KCNN2: variants seen among roughly 807,000 people sequenced by gnomAD.
KCNN2 encodes potassium calcium-activated channel subfamily N member 2, also known as small conductance calcium-activated potassium channel protein 2.
KCNN2 carries 24 observed loss-of-function variants against 55.5 expected under a neutral mutation model. The ratio of observed to expected loss-of-function variants is 0.43; its 90% CI spans 0.31 to 0.61. The LOEUF (loss-of-function observed/expected upper bound fraction) is 0.61, where lower values mean the gene tolerates loss of function less well. Among genes scored for constraint, KCNN2 ranks in the 20% least tolerant of loss-of-function variants. The pLI is 0.08. For missense variants in KCNN2, 754 were observed against 853.6 expected, an observed-to-expected ratio of 0.88 and a Z score of 1.45; for synonymous variants, 431 against 336.1, an observed-to-expected ratio of 1.28 and a Z score of -3.09.
At chr5:114,250,020 C>A (rs1406660842) in intron 2 of KCNN2, among the ~76,000 whole-genome samples, 3 of 152,010 alleles carry the variant, frequency 2.0e-5, no homozygotes, top group Admixed American at 2.0e-4. Context: ...TGTCTGGTTC[C>A]TTATGGTTTC....
intron 1 of KCNN2, among the ~76,000 whole-genome samples, chr5:114,172,704 C>T (rs2112544525): frequency 6.6e-6 from 1 of 150,854 alleles, no homozygotes; most frequent in Non-Finnish European, 1.5e-5. Context: ...ATGCTGAGCA[C>T]CTTTTCATAT....
chr5:114,101,830 T>C (rs937084607), intron 1 of KCNN2, among the ~76,000 whole-genome samples: 2 of 152,190 alleles, frequency 1.3e-5, no homozygotes, highest in Admixed American at 1.3e-4. Flanking sequence ...AACCAGTCTA[T>C]CATTGATGGG....
At chr5:114,221,571 T>G (rs1251209821) in intron 2 of KCNN2, among the ~76,000 whole-genome samples, 1 of 152,120 alleles carries the variant, frequency 6.6e-6, no homozygotes, top group Admixed American at 6.5e-5. Flanking sequence ...TAACAGTGAG[T>G]AAAAATAGTA....
intron 2 of KCNN2, among the ~76,000 whole-genome samples, chr5:114,395,667 G>C (rs1324012544): frequency 6.6e-6 from 1 of 152,116 alleles, no homozygotes; most frequent in Non-Finnish European, 1.5e-5. Context: ...CTGTGATGTT[G>C]AGAATGTTTT....
chr5:114,366,787 C>T (rs1347165490), intron 2 of KCNN2, among the ~76,000 whole-genome samples: 2 of 152,216 alleles, frequency 1.3e-5, no homozygotes, highest in East Asian at 3.8e-4. Context: ...GAGCACTTCT[C>T]AGCTCACGCT....
upstream of KCNN2, among the ~76,000 whole-genome samples, chr5:114,359,466 T>A (rs1045783890): frequency 6.6e-6 from 1 of 152,158 alleles, no homozygotes; most frequent in African/African-American, 2.4e-5. Context: ...AGATACATTT[T>A]TGCCTATTAT....
chr5:114,349,914 C>A (rs1277757426), intron 2 of KCNN2, among the ~76,000 whole-genome samples: 2 of 151,908 alleles, frequency 1.3e-5, no homozygotes, highest in African/African-American at 4.8e-5. Context: ...ACAACACTTG[C>A]TATTATCTGT....
At chr5:114,098,328 C>G (rs1751305079) in intron 1 of KCNN2, among the ~76,000 whole-genome samples, 1 of 152,028 alleles carries the variant, frequency 6.6e-6, no homozygotes, top group South Asian at 2.1e-4. Flanking sequence ...ATTGTTTGGT[C>G]TACCACAGGG....
At chr5:114,189,297 A>G (rs957997194) in intron 1 of KCNN2, among the ~76,000 whole-genome samples, 1 of 152,160 alleles carries the variant, frequency 6.6e-6, no homozygotes, top group Non-Finnish European at 1.5e-5. Flanking sequence ...CAAAGGCCTG[A>G]GAACAAGGAG....
intron 2 of KCNN2, among the ~76,000 whole-genome samples, chr5:114,280,373 C>T (rs918704117): frequency 2.6e-5 from 4 of 152,170 alleles, no homozygotes; most frequent in African/African-American, 4.8e-5. Context: ...GAAGTCCTTG[C>T]CCATGCCTAT....
chr5:114,314,176 T>G (rs187117824), intron 2 of KCNN2, among the ~76,000 whole-genome samples: 1 of 152,164 alleles, frequency 6.6e-6, no homozygotes, highest in East Asian at 1.9e-4. Context: ...TAGACTTTAT[T>G]TTTAGAGCAA....
intron 2 of KCNN2, among the ~76,000 whole-genome samples, chr5:114,315,303 G>T (rs1188619732): frequency 6.6e-6 from 1 of 151,960 alleles, no homozygotes; most frequent in African/African-American, 2.4e-5. Context: ...GGATATATCT[G>T]GGCAAATATA....
chr5:114,217,634 G>A (rs558962057), intron 1 of KCNN2, among the ~76,000 whole-genome samples: 4 of 152,162 alleles, frequency 2.6e-5, no homozygotes, highest in East Asian at 1.9e-4. Flanking sequence ...ATGTTAACAC[G>A]AAAGTATAAA....
At chr5:114,177,358 C>T (rs917610112) in intron 1 of KCNN2, among the ~76,000 whole-genome samples, 5 of 152,034 alleles carry the variant, frequency 3.3e-5, no homozygotes, top group East Asian at 1.9e-4. Context: ...AGGATGGTCT[C>T]GATCTCCTGA....
chr5:114,067,435 T>G (rs968218271), intron 1 of KCNN2, among the ~76,000 whole-genome samples: 10 of 152,226 alleles, frequency 6.6e-5, no homozygotes, highest in African/African-American at 2.4e-4. Context: ...GATAATTCCT[T>G]TAAGCAAACC....
At chr5:114,280,515 A>G (rs1356350512) in intron 2 of KCNN2, among the ~76,000 whole-genome samples, 1 of 152,198 alleles carries the variant, frequency 6.6e-6, no homozygotes, top group Admixed American at 6.5e-5. Context: ...AGCTTTCTAC[A>G]TATGGCTAGC....
At chr5:114,232,913 A>C (rs1387393651) in intron 2 of KCNN2, among the ~76,000 whole-genome samples, 1 of 75,244 alleles carries the variant, frequency 1.3e-5, no homozygotes, top group Non-Finnish European at 2.5e-5. Context: ...GTAATTTTTT[A>C]TATTGTTTCT....
intron 2 of KCNN2, among the ~76,000 whole-genome samples, chr5:114,282,316 A>T (rs1284643473): frequency 1.3e-5 from 2 of 152,252 alleles, no homozygotes; most frequent in Non-Finnish European, 2.9e-5. Context: ...TCTATGTTTT[A>T]GAATGTATTG....
chr5:114,205,020 A>C (rs1354333909), intron 1 of KCNN2, among the ~76,000 whole-genome samples: 2 of 152,234 alleles, frequency 1.3e-5, no homozygotes, highest in Non-Finnish European at 2.9e-5. Context: ...CTGAATGAAA[A>C]GCAAGAAGCA....
Sources: allele counts gnomAD v4.1 joint callset (sites outside exome capture counted in the v4.1 genomes callset), GRCh38; gene constraint gnomAD v4.1.1; transcripts MANE v1.5; gene names NCBI Gene and HGNC (gene_info 2026-07-23, HGNC 2026-07-21).